The following RANBP17 variants were observed in gnomAD, a reference collection of about 807,000 sequenced individuals.
RANBP17 encodes the protein RAN binding protein 17, also known as ran-binding protein 17.
RANBP17 carries 158 observed loss-of-function variants against 141.2 expected under a neutral mutation model. That is an observed-to-expected ratio of 1.12 (90% confidence interval 0.98 to 1.28). The LOEUF is 1.28. Among genes scored for constraint, RANBP17 ranks in the 50% most tolerant of loss-of-function variants. The pLI is 0.00. For synonymous variants in RANBP17, 430 were observed against 450.0 expected (o/e 0.96, Z 0.56); for missense variants, 1,438 against 1,290.7 (o/e 1.11, Z -1.75).
chr5:171,066,404 A>G (rs976485359), intron 14 of RANBP17, among the ~76,000 whole-genome samples: 1 of 152,132 alleles, frequency 6.6e-6, no homozygotes, highest in Non-Finnish European at 1.5e-5. Flanking sequence ...TCCACATATA[A>G]GTTAGATTAT....
At chr5:171,101,326 G>T (rs1236335523) in intron 14 of RANBP17, among the ~76,000 whole-genome samples, 1 of 152,154 alleles carries the variant, frequency 6.6e-6, no homozygotes, top group African/African-American at 2.4e-5. Context: ...TCTCCTTGTT[G>T]CATTGATGCC....
chr5:170,903,922 A>C, intron 5 of RANBP17: 1 of 523,624 alleles, frequency 1.9e-6, no homozygotes, highest in Non-Finnish European at 3.8e-6. Flanking sequence ...CCTTTTCCTC[A>C]GCTTCATTAT....
chr5:171,109,033 G>C (rs1376297801), intron 14 of RANBP17, among the ~76,000 whole-genome samples: 2 of 152,016 alleles, frequency 1.3e-5, no homozygotes, highest in African/African-American at 2.4e-5. Context: ...AACTCTATAA[G>C]AAATAAAAGG....
chr5:171,122,989 C>G (rs566533099), intron 14 of RANBP17, among the ~76,000 whole-genome samples: 1 of 152,282 alleles, frequency 6.6e-6, no homozygotes, highest in South Asian at 2.1e-4. Context: ...ATGCAGTCCT[C>G]TGCACCATAT....
At chr5:171,261,110 A>G (rs556771334) in intron 24 of RANBP17, among the ~76,000 whole-genome samples, 1 of 143,114 alleles carries the variant, frequency 7.0e-6, no homozygotes, top group South Asian at 2.5e-4. Flanking sequence ...AACCAAAAGA[A>G]AAAAAAAAAA....
chr5:171,138,305 G>A (rs570463929), intron 14 of RANBP17, among the ~76,000 whole-genome samples: 1 of 152,262 alleles, frequency 6.6e-6, no homozygotes, highest in Non-Finnish European at 1.5e-5. Flanking sequence ...AATGTAAGCA[G>A]AGATAGATGC....
At chr5:171,245,680 C>A (rs17747933) in intron 24 of RANBP17, among the ~76,000 whole-genome samples, 17,966 of 152,084 alleles carry the variant, frequency 0.12, 1,349 homozygotes, top group East Asian at 0.16. Context: ...ATCAGTTTGA[C>A]TCATTTGAGA....
In RANBP17 at chr5:170,950,398, AT is replaced by A. The variant is rs527676095; in HGVS notation, c.1469-3198del. ...TAAAAAAAACAAAAACAAAAAAAAA[AT>A]AACTCAAATAAGTGGCAGTCAAATG... On this transcript the variant is annotated intron_variant, in intron 12 of 27. Transcript: ENST00000523189. 4.1e-4 allele frequency among the ~76,000 whole-genome samples: 63 copies of A among 152,052 alleles called. 1 individual carries two copies. In the South Asian group the frequency reaches 0.012, roughly 28 times the overall value.
chr5:171,212,839 C>T (rs149442649), intron 20 of RANBP17, among the ~76,000 whole-genome samples: 1 of 152,118 alleles, frequency 6.6e-6, no homozygotes, highest in Non-Finnish European at 1.5e-5. Flanking sequence ...GTCTACTTGG[C>T]AAGGAGATAC....
chr5:171,278,455 G>T (rs1467043773), intron 25 of RANBP17, among the ~76,000 whole-genome samples: 1 of 152,008 alleles, frequency 6.6e-6, no homozygotes, highest in African/African-American at 2.4e-5. Context: ...GGAGGCAGAG[G>T]TTGCAGTGAG....
chr5:171,047,037 G>A (rs1412304552), intron 14 of RANBP17, among the ~76,000 whole-genome samples: 4 of 73,952 alleles, frequency 5.4e-5, no homozygotes, highest in Non-Finnish European at 1.1e-4. Context: ...TTTTTTTTGA[G>A]ATGGAGTTTT....
intron 25 of RANBP17, among the ~76,000 whole-genome samples, chr5:171,282,257 A>G (rs1767903609): frequency 6.6e-6 from 1 of 152,188 alleles, no homozygotes; most frequent in African/African-American, 2.4e-5. Context: ...GACAAACAGA[A>G]CTATTCCTGA....
chr5:171,252,294 AAAT>A, intron 24 of RANBP17: 1 of 1,550,864 alleles, frequency 6.4e-7, no homozygotes, highest in East Asian at 2.2e-5. Context: ...TTAATAATGA[AAAT>A]AATAACAGCA....
chr5:171,137,813 G>T (rs1757416653), intron 14 of RANBP17, among the ~76,000 whole-genome samples: 1 of 151,494 alleles, frequency 6.6e-6, no homozygotes. Context: ...TATTATAACT[G>T]GTCCTTGTGT....
intron 14 of RANBP17, among the ~76,000 whole-genome samples, chr5:171,026,432 C>T (rs191909295): frequency 6.6e-6 from 1 of 152,288 alleles, no homozygotes; most frequent in Non-Finnish European, 1.5e-5. Flanking sequence ...GCCTTCTAAC[C>T]AGATAGTTAC....
chr5:171,063,531 A>G (rs1450797550), intron 14 of RANBP17, among the ~76,000 whole-genome samples: 1 of 152,116 alleles, frequency 6.6e-6, no homozygotes, highest in Admixed American at 6.5e-5. Context: ...TTTTTGTCTC[A>G]GAGGAGTACC....
chr5:171,140,730 C>G (rs1234800980), intron 14 of RANBP17, among the ~76,000 whole-genome samples: 1 of 152,134 alleles, frequency 6.6e-6, no homozygotes, highest in East Asian at 1.9e-4. Flanking sequence ...ATGCATTTGT[C>G]AAAACTCATA....
At chr5:171,137,930 A>G (rs927780993) in intron 14 of RANBP17, among the ~76,000 whole-genome samples, 1 of 141,724 alleles carries the variant, frequency 7.1e-6, no homozygotes, top group Admixed American at 7.6e-5. Context: ...CTCTATATCT[A>G]TAAGTAGTGT....
At chr5:171,252,848 A>C (rs533747950) in intron 24 of RANBP17, 2 of 1,291,458 alleles carry the variant, frequency 1.5e-6, no homozygotes, top group African/African-American at 2.9e-5. Context: ...GTTAAGAGTC[A>C]TGATTTTTGG....
Sources: gnomAD v4.1 joint callset for allele counts (sites outside exome capture counted in the v4.1 genomes callset) on GRCh38, gnomAD v4.1.1 for gene constraint, MANE v1.5 for transcripts, NCBI Gene and HGNC (gene_info 2026-07-23, HGNC 2026-07-21) for gene names.